The following PATJ variants were observed in gnomAD, a reference collection of about 807,000 sequenced individuals.
The protein encoded by PATJ is inaD-like protein.
Under a neutral mutation model 224.9 loss-of-function variants are expected in PATJ, and 190 were observed. That is an observed-to-expected ratio of 0.84 (90% confidence interval 0.75 to 0.95). The LOEUF is 0.95. Among genes scored for constraint, PATJ ranks in the 40% least tolerant of loss-of-function variants. The pLI, the probability that PATJ is intolerant of heterozygous loss-of-function variation, is 0.00. For synonymous variants in PATJ, 769 were observed against 820.3 expected (o/e 0.94, Z 1.07); for missense variants, 2,121 against 2,270.3 (o/e 0.93, Z 1.34).
chr1:61,916,799 T>C (rs1673509279), intron 26 of PATJ, among the ~76,000 whole-genome samples: 1 of 152,176 alleles, frequency 6.6e-6, no homozygotes, highest in African/African-American at 2.4e-5. Context: ...CTTTCAAAGA[T>C]AGTTTTGGGG....
rs71582664 is a variant in PATJ, at chr1:62,121,342, T to TTAA, written c.5005+47_5005+48insTAA. 995 of 845,894 alleles carry TTAA rather than the reference T, an allele frequency of 1.2e-3. 6 individuals carry two copies. The highest frequency in any genetic ancestry group is 0.011 in the South Asian group (618 of 54,944). The allele number at this position is 845,894 out of a possible 1,614,324, so 52.4% of individuals were successfully genotyped here. On this transcript the variant is annotated intron_variant, in intron 38 of 43. Coordinates refer to ENST00000642238, the MANE Select transcript of PATJ (RefSeq NM_001350145.3). ...AGCAAAACTATCCTGTTACCCAAAT[T>TTAA]AAAAAAAAAAAATGTGTTTTTTAAA...
chr1:61,926,443 C>G (rs960338777), intron 26 of PATJ, among the ~76,000 whole-genome samples: 18 of 152,194 alleles, frequency 1.2e-4, no homozygotes, highest in African/African-American at 4.3e-4. Context: ...AGTTTAAAAC[C>G]TGGCTGTCTT....
At chr1:62,057,567 T>C (rs189205156) in intron 31 of PATJ, among the ~76,000 whole-genome samples, 64 of 152,292 alleles carry the variant, frequency 4.2e-4, no homozygotes, top group African/African-American at 1.4e-3. Context: ...TGAGAGATGG[T>C]GGAAACAATA....
intron 28 of PATJ, 108 bp from the exon 29 acceptor site, chr1:62,017,741 AAAAAAAG>A: frequency 1.7e-5 from 10 of 575,426 alleles, no homozygotes; most frequent in African/African-American, 1.3e-4. Flanking sequence ...AAAAAAAAAA[AAAAAAAG>A]AAAAGAAAAG....
At chr1:61,852,940 T>TA (rs2148894135) in intron 17 of PATJ, among the ~76,000 whole-genome samples, 1 of 152,234 alleles carries the variant, frequency 6.6e-6, no homozygotes, top group African/African-American at 2.4e-5. Flanking sequence ...AAAGTCATCA[T>TA]AAAAAATGAA....
At chr1:61,777,703 CTTTTTTTTTTT>C (rs66470863) in intron 7 of PATJ, among the ~76,000 whole-genome samples, 1 of 48,746 alleles carries the variant, frequency 2.1e-5, no homozygotes, top group Non-Finnish European at 3.2e-5. Flanking sequence ...TTCTTTCTTT[CTTTTTTTTTTT>C]TTTTTTTTTT....
At chr1:62,130,366 T>C (rs939723201) in intron 41 of PATJ, among the ~76,000 whole-genome samples, 13 of 151,998 alleles carry the variant, frequency 8.6e-5, no homozygotes, top group African/African-American at 2.9e-4. Flanking sequence ...GAAGTTCAAA[T>C]TGAAAAACCA....
chr1:62,146,426 G>A (rs1668043282), intron 41 of PATJ, among the ~76,000 whole-genome samples: 1 of 152,196 alleles, frequency 6.6e-6, no homozygotes, highest in African/African-American at 2.4e-5. Flanking sequence ...CGCTATGGAT[G>A]GAGGGGCTGA....
chr1:61,928,248 A>C (rs886973146), intron 27 of PATJ, among the ~76,000 whole-genome samples: 1 of 152,152 alleles, frequency 6.6e-6, no homozygotes, highest in African/African-American at 2.4e-5. Flanking sequence ...TGTCCTTTAA[A>C]ATTCATTTCA....
At chr1:61,861,284 C>CTTTCTTT (rs757271556) in intron 18 of PATJ, among the ~76,000 whole-genome samples, 8 of 48,846 alleles carry the variant, frequency 1.6e-4, no homozygotes, top group African/African-American at 4.9e-4. Flanking sequence ...TTCTTTCTTT[C>CTTTCTTT]TTTTTTTTTT....
In PATJ at chr1:62,036,871, C is replaced by CAAAAAAAAAAAAAAAAA. The variant is rs55761910; in HGVS notation, c.3960-1096_3960-1095insAAAAAAAAAAAAAAAAA. Among the ~76,000 whole-genome samples, 26 of 67,244 alleles carry CAAAAAAAAAAAAAAAAA rather than the reference C, an allele frequency of 3.9e-4. 1 individual carries two copies. The highest frequency in any genetic ancestry group is 1.1e-3 in the East Asian group (2 of 1,882). 44.1% of individuals were successfully genotyped at this position (67,244 alleles called of 152,430 possible). On this transcript the variant is annotated intron_variant, in intron 29 of 43. Transcript: ENST00000642238. ...TTGGTGACAAAGTGAGACTCCATCT[C>CAAAAAAAAAAAAAAAAA]AAAAAAAAAAGAAGGAAGAAAGGAA... is the stretch of plus-strand genomic sequence containing the variant.
intron 22 of PATJ, among the ~76,000 whole-genome samples, chr1:61,894,863 C>A (rs1221286206): frequency 3.3e-5 from 5 of 152,142 alleles, no homozygotes; most frequent in Non-Finnish European, 7.3e-5. Flanking sequence ...TTTGGAACTT[C>A]CTAGAGACTT....
At chr1:62,037,028 C>A (rs1558075300) in intron 29 of PATJ, among the ~76,000 whole-genome samples, 1 of 151,962 alleles carries the variant, frequency 6.6e-6, no homozygotes, top group Non-Finnish European at 1.5e-5. Context: ...AAAAGTAAAG[C>A]ATAAAATGGG....
rs374175697 is a variant in PATJ, at chr1:61,997,982, T to TTTTATATATATATATA, written c.3867+7619_3867+7620insTTATATATATATATAT. 5.9e-3 allele frequency among the ~76,000 whole-genome samples: 698 copies of TTTTATATATATATATA among 118,266 alleles called. 20 individuals are homozygous for TTTTATATATATATATA. Among genetic ancestry groups the TTTTATATATATATATA allele is most frequent in the South Asian group, 0.038 (157 of 4,082 alleles). The allele number at this position is 118,266 out of a possible 152,430, so 77.6% of individuals were successfully genotyped here. A position where few individuals can be genotyped will look rare whatever the true frequency, so the allele number is the denominator to read the frequency against. On this transcript the variant is annotated intron_variant, in intron 28 of 43. Coordinates refer to ENST00000642238, the MANE Select transcript of PATJ (RefSeq NM_001350145.3). ...ATAGGTGCATGCCACTGTGCCCAGC[T>TTTTATATATATATATA]TATATATGTATATATAATATATTAT...
intron 20 of PATJ, among the ~76,000 whole-genome samples, chr1:61,866,649 A>G (rs966176994): frequency 6.6e-6 from 1 of 152,120 alleles, no homozygotes; most frequent in Non-Finnish European, 1.5e-5. Context: ...AATCCCTCTT[A>G]TAAGTTTGTA....
intron 7 of PATJ, among the ~76,000 whole-genome samples, chr1:61,783,447 G>C (rs1316129146): frequency 2.5e-5 from 3 of 119,268 alleles, no homozygotes; most frequent in Non-Finnish European, 3.3e-5. Context: ...TTTTTAAATA[G>C]AGACAGAGTC....
chr1:61,804,822 G>A (rs1286830), intron 12 of PATJ, among the ~76,000 whole-genome samples: 120,934 of 152,086 alleles, frequency 0.8, 48,217 homozygotes, highest in East Asian at 0.94. Flanking sequence ...CAAAAAAGTC[G>A]TAAAGATACA....
chr1:62,106,796 T>C (rs1351415670), intron 33 of PATJ, among the ~76,000 whole-genome samples: 1 of 152,074 alleles, frequency 6.6e-6, no homozygotes, highest in East Asian at 1.9e-4. Flanking sequence ...AGTCCAGAAG[T>C]CCTGCTGCTT....
intron 33 of PATJ, among the ~76,000 whole-genome samples, chr1:62,095,294 G>A (rs1388252054): frequency 6.6e-6 from 1 of 152,168 alleles, no homozygotes; most frequent in Non-Finnish European, 1.5e-5. Flanking sequence ...GCATGCTCTT[G>A]TGAGATACTG....
Sources: gnomAD v4.1 joint callset for allele counts (sites outside exome capture counted in the v4.1 genomes callset) on GRCh38, gnomAD v4.1.1 for gene constraint, MANE v1.5 for transcripts, NCBI Gene and HGNC (gene_info 2026-07-23, HGNC 2026-07-21) for gene names.